The following GATAD2A variants were observed in gnomAD, a reference collection of about 807,000 sequenced individuals.
GATAD2A encodes GATA zinc finger domain containing 2A.
Under a neutral mutation model 68.5 loss-of-function variants are expected in GATAD2A, and 12 were observed. The observed-to-expected ratio is 0.18, with a 90% CI of 0.11 to 0.28. GATAD2A has a LOEUF of 0.28. GATAD2A is among the 10% of genes least tolerant of loss of function. The pLI, the probability that GATAD2A is intolerant of heterozygous loss-of-function variation, is 1.00. For synonymous variants in GATAD2A, 410 were observed against 375.3 expected (o/e 1.09, Z -1.07); for missense variants, 755 against 868.5 (o/e 0.87, Z 1.64).
At chr19:19,469,051 G>A (rs2058074707) in intron 2 of GATAD2A, among the ~76,000 whole-genome samples, 1 of 152,206 alleles carries the variant, frequency 6.6e-6, no homozygotes, top group Admixed American at 6.5e-5. Context: ...AATCAAGTTA[G>A]CATCAGTCTT....
At chr19:19,436,183 C>T in intron 1 of GATAD2A, 1 of 1,366,278 alleles carries the variant, frequency 7.3e-7, no homozygotes, top group Non-Finnish European at 9.8e-7. Flanking sequence ...TGGCCATGGC[C>T]AACTGGTAGG....
intron 1 of GATAD2A, chr19:19,457,011 A>G: frequency 2.7e-6 from 2 of 732,714 alleles, no homozygotes; most frequent in Non-Finnish European, 3.3e-6. Flanking sequence ...ACAAAGGAGC[A>G]ACAGATTTGG....
intron 1 of GATAD2A, among the ~76,000 whole-genome samples, chr19:19,395,876 A>G (rs902233736): frequency 1.3e-5 from 2 of 152,192 alleles, no homozygotes; most frequent in Non-Finnish European, 2.9e-5. Context: ...GTGACCTTAG[A>G]AAAATAGCCT....
At chr19:19,398,364 C>T (rs865904322) in intron 1 of GATAD2A, among the ~76,000 whole-genome samples, 21 of 151,720 alleles carry the variant, frequency 1.4e-4, no homozygotes, top group Admixed American at 4.6e-4. Flanking sequence ...CTACCACGCC[C>T]AGCTAATTTT....
Position 19,508,499 on chromosome 19 carries a change from C to T in GATAD2A, c.*3025C>T, listed in dbSNP as rs954041482. On this transcript the variant is annotated 3_prime_UTR_variant, in exon 12 of 12. Transcript: ENST00000683918. ...ACCCAGTGGCAGCCCCGCTGGGCCC[C>T]GTGGCTCCTGCTCTCCTATTGGACG... 2.0e-5 allele frequency: 3 copies of T among 152,240 alleles called. No homozygotes were observed. The highest frequency in any genetic ancestry group is 1.9e-4 in the East Asian group (1 of 5,200). 9.4% of individuals were successfully genotyped at this position (152,240 alleles called of 1,614,324 possible).
chr19:19,428,360 A>G lies in GATAD2A; in HGVS notation c.-7+22341A>G, dbSNP rs552391041. Among the ~76,000 whole-genome samples the G allele has an allele frequency of 2.5e-4, 38 of 152,352 alleles. 1 individual carries two copies. The highest frequency in any genetic ancestry group is 5.9e-4 in the Admixed American group (9 of 15,310). On this transcript the variant is annotated intron_variant, in intron 1 of 11. Transcript: ENST00000683918. ...GAAACAATAAGAGGAGCATCCAGAT[A>G]GAGGTAGCAATGTTTTGAGGAACAA...
intron 1 of GATAD2A, among the ~76,000 whole-genome samples, chr19:19,453,713 G>A (rs1420263284): frequency 4.1e-5 from 6 of 147,868 alleles, no homozygotes; most frequent in South Asian, 2.1e-4. Flanking sequence ...GTCTTGCTCC[G>A]TCGCCCAGGC....
chr19:19,478,115 A>C (rs1008456753), intron 2 of GATAD2A, among the ~76,000 whole-genome samples: 4 of 152,276 alleles, frequency 2.6e-5, no homozygotes, highest in Non-Finnish European at 5.9e-5. Context: ...TGGCAGCAAA[A>C]AGAAAGTTAC....
At chr19:19,498,856 G>C in intron 8 of GATAD2A, 134 bp downstream of exon 8, 1 of 717,158 alleles carries the variant, frequency 1.4e-6, no homozygotes, top group Non-Finnish European at 2.3e-6. Flanking sequence ...GGGCTTGGCA[G>C]GGACACCGTC....
At chr19:19,436,534 G>A (rs2054371908) in intron 1 of GATAD2A, among the ~76,000 whole-genome samples, 1 of 152,246 alleles carries the variant, frequency 6.6e-6, no homozygotes, top group Admixed American at 6.5e-5. Context: ...TTGCCCTCTG[G>A]CCATTCCCAT....
chr19:19,420,633 A>C (rs1459187503), intron 1 of GATAD2A, among the ~76,000 whole-genome samples: 3 of 150,952 alleles, frequency 2.0e-5, no homozygotes, highest in Non-Finnish European at 3.0e-5. Context: ...AGCCACCGCG[A>C]CCAGCCCCAT....
upstream of GATAD2A, chr19:19,402,397 T>C (rs1336507919): frequency 1.4e-5 from 2 of 148,102 alleles, no homozygotes; most frequent in Non-Finnish European, 3.0e-5. Flanking sequence ...GTTTTGAAAG[T>C]ACAGTATTGG....
At chr19:19,479,996 G>A (rs1418977229) in intron 2 of GATAD2A, among the ~76,000 whole-genome samples, 2 of 151,746 alleles carry the variant, frequency 1.3e-5, no homozygotes, top group African/African-American at 4.8e-5. Context: ...TTAGAGAAGG[G>A]GTTGTTCACC....
chr19:19,394,291 C>A (rs2049059332), intron 1 of GATAD2A, among the ~76,000 whole-genome samples: 1 of 152,072 alleles, frequency 6.6e-6, no homozygotes, highest in African/African-American at 2.4e-5. Flanking sequence ...TCTAAAAGCC[C>A]TTCCCTTGTT....
At chr19:19,420,973 C>G (rs1258726954) in intron 1 of GATAD2A, among the ~76,000 whole-genome samples, 1 of 152,232 alleles carries the variant, frequency 6.6e-6, no homozygotes, top group Admixed American at 6.5e-5. Flanking sequence ...AGAGATGATT[C>G]TCTTGGTGTC....
rs117204956 is a variant in GATAD2A at position 19,492,127 on chromosome 19, C to T, written c.270-179C>T. 3.5e-3 allele frequency among the ~76,000 whole-genome samples: 528 copies of T among 152,300 alleles called. 1 individual carries two copies. Among genetic ancestry groups the T allele is most frequent in the Non-Finnish European group, 4.7e-3 (318 of 68,018 alleles). On this transcript the variant is annotated intron_variant, in intron 2 of 11. Coordinates refer to ENST00000683918, the MANE Select transcript of GATAD2A (RefSeq NM_001384528.1). Reference sequence around the variant, plus strand: ...GGCACTGGGATTGGGTGCCCTATGACGTGTGGGTAAGAAGAAGGAGGCAGC... The same window carrying T: ...GGCACTGGGATTGGGTGCCCTATGATGTGTGGGTAAGAAGAAGGAGGCAGC...
chr19:19,405,485 A>T (rs1295662292), upstream of GATAD2A, among the ~76,000 whole-genome samples: 3 of 151,892 alleles, frequency 2.0e-5, no homozygotes, highest in Non-Finnish European at 2.9e-5. Context: ...GCGGGGAGGG[A>T]GCCAGCCGGA....
At chr19:19,463,527 G>A (rs1336796335) in intron 1 of GATAD2A, among the ~76,000 whole-genome samples, 2 of 152,182 alleles carry the variant, frequency 1.3e-5, no homozygotes, top group African/African-American at 2.4e-5. Flanking sequence ...GGGGTGGACA[G>A]GGTGGCCGGG....
At chr19:19,457,733 T>A (rs2029872323) in intron 1 of GATAD2A, among the ~76,000 whole-genome samples, 2 of 149,364 alleles carry the variant, frequency 1.3e-5, no homozygotes. Flanking sequence ...AGACTGAGAC[T>A]GTGTCTCAAA....
Sources: gnomAD v4.1 joint callset for allele counts (sites outside exome capture counted in the v4.1 genomes callset) on GRCh38, gnomAD v4.1.1 for gene constraint, MANE v1.5 for transcripts, NCBI Gene and HGNC (gene_info 2026-07-23, HGNC 2026-07-21) for gene names.